KCNT1: variants seen among roughly 807,000 people sequenced by gnomAD.
KCNT1 encodes the protein potassium sodium-activated channel subfamily T member 1.
In KCNT1, 78 loss-of-function variants were observed where a neutral mutation model predicts 147.8. The ratio of observed to expected loss-of-function variants is 0.53; its 90% CI spans 0.44 to 0.64. KCNT1 has a LOEUF of 0.64. Ranked by LOEUF, KCNT1 falls within the 30% of genes least tolerant of loss-of-function variation. The pLI, the probability that KCNT1 is intolerant of heterozygous loss-of-function variation, is 0.00. For synonymous variants in KCNT1, 867 were observed against 748.8 expected, an observed-to-expected ratio of 1.16 and a Z score of -2.58; for missense variants, 1,419 against 1,750.3, an observed-to-expected ratio of 0.81 and a Z score of 3.38.
At chr9:135,720,612 G>A (rs1295310675) in intron 2 of KCNT1, among the ~76,000 whole-genome samples, 2 of 152,130 alleles carry the variant, frequency 1.3e-5, no homozygotes, top group African/African-American at 2.4e-5. Flanking sequence ...TCCTCCAGAG[G>A]GAGCTTTGCT....
intron 1 of KCNT1, among the ~76,000 whole-genome samples, chr9:135,707,122 C>CAA (rs961135694): frequency 2.4e-4 from 31 of 128,834 alleles, no homozygotes; most frequent in African/African-American, 7.7e-4. Context: ...CCTGTCTCTA[C>CAA]AAAAAAAAAA....
chr9:135,779,683 C>T (rs1172147248), intron 24 of KCNT1, among the ~76,000 whole-genome samples: 4 of 152,222 alleles, frequency 2.6e-5, no homozygotes, highest in Admixed American at 6.5e-5. Context: ...TCCCTGACCG[C>T]GTGTGAGGCA....
At chr9:135,738,086 G>A (rs1432584950) in intron 2 of KCNT1, among the ~76,000 whole-genome samples, 1 of 152,172 alleles carries the variant, frequency 6.6e-6, no homozygotes, top group Non-Finnish European at 1.5e-5. Flanking sequence ...GTTCCTGCAG[G>A]GCCCATAGGG....
intron 17 of KCNT1, 64 bp downstream of exon 17, chr9:135,770,511 C>T (rs1588360650): frequency 1.3e-6 from 2 of 1,537,232 alleles, no homozygotes; most frequent in Admixed American, 3.9e-5. Flanking sequence ...GCCCTCCCCA[C>T]CCTCCCGGTC....
In KCNT1 at chr9:135,771,110, G is replaced by A. The variant is rs1482558973; in HGVS notation, c.2008+15G>A. 2 of 1,601,588 alleles carry A rather than the reference G, an allele frequency of 1.2e-6. No individual in the cohort carries two copies. The highest frequency in any genetic ancestry group is 1.7e-6 in the Non-Finnish European group (2 of 1,172,882). On this transcript the variant is annotated intron_variant, in intron 18 of 30. Transcript: ENST00000371757. Reference sequence around the variant, plus strand: ...CGCCTCCATGGGTGAGCCGGGACAGGCGCGCGGGACTCCCTGGGCCTGCTC... The same window carrying A: ...CGCCTCCATGGGTGAGCCGGGACAGACGCGCGGGACTCCCTGGGCCTGCTC...
chr9:135,727,266 CCT>C (rs1447854023), intron 2 of KCNT1, among the ~76,000 whole-genome samples: 25 of 101,782 alleles, frequency 2.5e-4, no homozygotes, highest in African/African-American at 8.6e-4. Flanking sequence ...CCTCTTTCTC[CCT>C]CTCTTTCCCA....
rs139958448 is a variant in KCNT1, at chr9:135,777,490, C to T, written c.2502C>T (p.Ile834=). 24 of 1,613,750 alleles carry T rather than the reference C, an allele frequency of 1.5e-5. No homozygotes were observed. In the African/African-American group the frequency reaches 2.1e-4, roughly 14 times the overall value. The change falls in exon 21 of 31, where the codon ATC becomes ATT. Residue 834 remains isoleucine, a synonymous_variant. Transcript: ENST00000371757. ...YYRSRKELNP[I]VLLLDNKPDH... ...GATCCCGCAAGGAGCTGAACCCCAT[C>T]GTGCTGCTGCTGGACAACAAGTGAG...
At chr9:135,744,732 CCAGGGT>C (rs1830731112) in intron 2 of KCNT1, among the ~76,000 whole-genome samples, 3 of 152,228 alleles carry the variant, frequency 2.0e-5, no homozygotes, top group Admixed American at 1.3e-4. Context: ...AGGGCCAGGG[CCAGGGT>C]TTGGCCTGTG....
rs1831241629 is a variant in KCNT1 at position 135,752,612 on chromosome 9, G to A, written c.435-1325G>A. On this transcript the variant is annotated intron_variant, in intron 4 of 30. Coordinates refer to ENST00000371757, the MANE Select transcript of KCNT1 (RefSeq NM_020822.3). This position sits in a 1 kb window ranked among gnomAD's most constrained non-coding sequence, Gnocchi z 5.1. Reference sequence around the variant, plus strand: ...TGGGTGGATGATGGATGGATGGTTGGATGGATGGTGGATGATGGATGGATG... The same window carrying A: ...TGGGTGGATGATGGATGGATGGTTGAATGGATGGTGGATGATGGATGGATG... 6.6e-6 allele frequency among the ~76,000 whole-genome samples: 1 copy of A among 152,090 alleles called. No individual in the cohort carries two copies. Among genetic ancestry groups the A allele is most frequent in the Non-Finnish European group, 1.5e-5 (1 of 67,996 alleles).
chr9:135,711,495 T>C (rs1835485569), intron 1 of KCNT1, among the ~76,000 whole-genome samples: 1 of 152,220 alleles, frequency 6.6e-6, no homozygotes, highest in South Asian at 2.1e-4. Context: ...TTCTGAGAAC[T>C]GTTCTCAGGA....
At position 135,794,955 on chromosome 9, in the gene KCNT1, G is replaced by A. The variant is rs1423307019; in HGVS notation, c.*2794G>A. ...CTGCAAAGTACACCAAGTGAAGTAG[G>A]ATCTGAGCAAAGGTTGAGGGACTGA... is the stretch of plus-strand genomic sequence containing the variant. On this transcript the variant is annotated 3_prime_UTR_variant, in exon 31 of 31. Coordinates refer to ENST00000371757, the MANE Select transcript of KCNT1 (RefSeq NM_020822.3). 1.3e-5 allele frequency: 2 copies of A among 152,142 alleles called. No individual in the cohort carries two copies. Among genetic ancestry groups the A allele is most frequent in the Non-Finnish European group, 2.9e-5 (2 of 68,046 alleles). 9.4% of individuals were successfully genotyped at this position (152,142 alleles called of 1,614,324 possible).
In KCNT1 at chr9:135,730,990, T is replaced by TA. The variant is rs56307359; in HGVS notation, c.254+16293dup. The stretch of plus-strand genomic sequence containing the variant: ...AACAAAGTGAGATCCCGTCTCAAGG[T>TA]AAAAAAAAAAAAAAAAAAAAAAAGT... On this transcript the variant is annotated intron_variant, in intron 2 of 30. Transcript: ENST00000371757. The surrounding 1 kb of genome is among the most constrained non-coding windows in gnomAD (Gnocchi z 4.7). Among the ~76,000 whole-genome samples the TA allele has an allele frequency of 0.031, 2,632 of 85,566 alleles. 96 individuals are homozygous for TA. Among genetic ancestry groups the TA allele is most frequent in the African/African-American group, 0.07 (1,543 of 22,064 alleles). 56.1% of individuals were successfully genotyped at this position (85,566 alleles called of 152,430 possible). A position where few individuals can be genotyped will look rare whatever the true frequency, so the allele number is the denominator to read the frequency against.
At chr9:135,743,545 G>A (rs1199107692) in intron 2 of KCNT1, among the ~76,000 whole-genome samples, 6 of 152,154 alleles carry the variant, frequency 3.9e-5, no homozygotes, top group South Asian at 2.1e-4. Context: ...GGCCACCACC[G>A]GACCTCTATC....
intron 2 of KCNT1, among the ~76,000 whole-genome samples, chr9:135,723,502 C>T (rs1428374613): frequency 6.6e-6 from 1 of 152,220 alleles, no homozygotes; most frequent in African/African-American, 2.4e-5. Flanking sequence ...AGTTCTTGTG[C>T]ACCACGTGAG....
In KCNT1 at chr9:135,794,645, C is replaced by G. The variant is rs1727548162; in HGVS notation, c.*2484C>G. ...ATCCTCCCGTGGGCAAAGCTGGGAG[C>G]CAGGGGCTGGAACCAGGCAGGTCAG... On this transcript the variant is annotated 3_prime_UTR_variant, in exon 31 of 31. Coordinates refer to ENST00000371757, the MANE Select transcript of KCNT1 (RefSeq NM_020822.3). The G allele has an allele frequency of 6.6e-6, 1 of 152,238 alleles. No homozygotes were observed. The highest frequency in any genetic ancestry group is 1.5e-5 in the Non-Finnish European group (1 of 68,052). The allele number at this position is 152,238 out of a possible 1,614,324, so 9.4% of individuals were successfully genotyped here.
intron 3 of KCNT1, chr9:135,750,514 T>G: frequency 2.3e-6 from 1 of 431,074 alleles, no homozygotes. Flanking sequence ...ACGCCCTGCC[T>G]CCCACCCCTC....
chr9:135,765,143 T>G lies in KCNT1; in HGVS notation c.1148T>G (p.Ile383Ser), dbSNP rs1270731587. 6.2e-7 allele frequency: 1 copy of G among 1,613,314 alleles called. No homozygotes were observed. Among genetic ancestry groups the G allele is most frequent in the Non-Finnish European group, 8.5e-7 (1 of 1,179,914 alleles). ...HVVLCVSSLKIDLLMDFLNEF... is the reference protein window; with the variant it reads ...HVVLCVSSLKSDLLMDFLNEF... ...GTCCTGTGTGTCAGCTCCCTCAAGATCGACCTTCTCATGGACTTCCTGAAC... is the reference window on the plus strand; with the variant it reads ...GTCCTGTGTGTCAGCTCCCTCAAGAGCGACCTTCTCATGGACTTCCTGAAC... Residue 383 changes from isoleucine to serine, a missense_variant, in exon 12 of 31, where the codon ATC becomes AGC. Transcript: ENST00000371757.
chr9:135,792,608 A>G lies in KCNT1; in HGVS notation c.*447A>G, dbSNP rs62584776. 0.17 allele frequency: 26,530 copies of G among 158,404 alleles called. 2,466 individuals are homozygous for G. The highest frequency in any genetic ancestry group is 0.21 in the African/African-American group (8,595 of 41,588). 9.8% of individuals were successfully genotyped at this position (158,404 alleles called of 1,614,324 possible). ...CCGGCCTGAGCGTTCACGGCCAGGC[A>G]GCCTCGCTTCCTTGCAGCCAAGGGC... On this transcript the variant is annotated 3_prime_UTR_variant, in exon 31 of 31. Coordinates refer to ENST00000371757, the MANE Select transcript of KCNT1 (RefSeq NM_020822.3).
intron 11 of KCNT1, among the ~76,000 whole-genome samples, chr9:135,761,483 G>A (rs992001698): frequency 6.6e-5 from 10 of 152,326 alleles, no homozygotes; most frequent in African/African-American, 2.2e-4. Context: ...CTCCCTCCTC[G>A]GCCCTCCTGC....
Sources: allele counts gnomAD v4.1 joint callset (sites outside exome capture counted in the v4.1 genomes callset), GRCh38; gene constraint gnomAD v4.1.1; non-coding constraint Gnocchi (gnomAD v3.1); transcripts MANE v1.5; gene names NCBI Gene and HGNC (gene_info 2026-07-23, HGNC 2026-07-21).